The following MINAR1 variants were observed in gnomAD, a reference collection of about 807,000 sequenced individuals.
The protein encoded by MINAR1 is membrane integral NOTCH2 associated receptor 1, also known as major intrinsically disordered Notch2-binding receptor 1.
MINAR1 carries 40 observed loss-of-function variants against 65.1 expected under a neutral mutation model. The ratio of observed to expected loss-of-function variants is 0.61; its 90% CI spans 0.48 to 0.80. The LOEUF is 0.80. Among genes scored for constraint, MINAR1 ranks in the 30% least tolerant of loss-of-function variants. The pLI is 0.00. For missense variants in MINAR1, 1,128 were observed against 1,148.0 expected (o/e 0.98, Z 0.25); for synonymous variants, 482 against 449.1 (o/e 1.07, Z -0.93).
the MINAR1 span, chr15:79,414,069 G>GATAC: frequency 6.6e-6 from 1 of 152,280 alleles, no homozygotes; most frequent in African/African-American, 2.4e-5. Flanking sequence ...CTAGGCTACT[G>GATAC]ATACACCCAT....
intron 1 of MINAR1, among the ~76,000 whole-genome samples, chr15:79,447,662 G>C (rs7183878): frequency 0.24 from 37,198 of 151,958 alleles, 6,345 homozygotes; most frequent in African/African-American, 0.49. Flanking sequence ...TCTGCTTGCA[G>C]CCATGGACAT....
chr15:79,459,918 G>A lies in MINAR1; in HGVS notation c.2298+1473G>A, dbSNP rs147490427. 4.8e-3 allele frequency among the ~76,000 whole-genome samples: 738 copies of A among 152,298 alleles called. 9 individuals are homozygous for A. Among genetic ancestry groups the A allele is most frequent in the African/African-American group, 0.017 (702 of 41,552 alleles). ...TATTGTCACTATCTCTTAGCTGCCA[G>A]GGTCTGGCCAGGTTTCTGGTGCTTT... On this transcript the variant is annotated intron_variant, in intron 2 of 3. Transcript: ENST00000305428.
At chr15:79,465,203 G>C (rs1895793706) in intron 3 of MINAR1, among the ~76,000 whole-genome samples, 1 of 152,134 alleles carries the variant, frequency 6.6e-6, no homozygotes, top group African/African-American at 2.4e-5. Flanking sequence ...GCCGTGTGAG[G>C]GTGTTTACAG....
Position 79,463,201 on chromosome 15 carries a change from G to C in MINAR1, c.2433G>C (p.Leu811=). The C allele has an allele frequency of 6.2e-7, 1 of 1,614,238 alleles. No individual in the cohort carries two copies. Among genetic ancestry groups the C allele is most frequent in the Non-Finnish European group, 8.5e-7 (1 of 1,180,050 alleles). The change falls in exon 3 of 4, where the codon CTG becomes CTC. Residue 811 remains leucine (L), a synonymous_variant. Coordinates refer to ENST00000305428, the MANE Select transcript of MINAR1 (RefSeq NM_015206.3). The stretch of plus-strand genomic sequence containing the variant: ...AGGCCCACATGAAGAGCAACCCCCT[G>C]TACACAGACATGCGGCTGACCGAGT... ...SLKAHMKSNP[L]YTDMRLTELA... is the part of the protein sequence containing the mutation.
rs150333864 is a variant in MINAR1 at position 79,458,431 on chromosome 15, C to T, written c.2284C>T (p.Arg762Trp). 3.6e-5 allele frequency: 58 copies of T among 1,610,352 alleles called. No individual in the cohort carries two copies. Among genetic ancestry groups the T allele is most frequent in the Middle Eastern group, 1.7e-4 (1 of 6,046 alleles). The change falls in exon 2 of 4, where the codon CGG (arginine) becomes TGG (tryptophan). Residue 762 changes from arginine to tryptophan, a missense_variant. Physicochemically the swap from Arg to Trp is moderately radical, Grantham distance 101 (BLOSUM62 -3). Transcript: ENST00000305428. ...TGPGDNKDWH[R>W]KSKEADRQYD... ...CCCAGGAGATAATAAAGACTGGCATCGGAAATCTAAAGAGGTAATTTAAAT... is the reference window on the plus strand; with the variant it reads ...CCCAGGAGATAATAAAGACTGGCATTGGAAATCTAAAGAGGTAATTTAAAT...
intron 3 of MINAR1, 74 bp downstream of exon 3, chr15:79,463,395 C>T (rs1007730305): frequency 3.4e-5 from 53 of 1,551,904 alleles, no homozygotes; most frequent in Middle Eastern, 2.2e-4. Context: ...GGATCACGGA[C>T]GGCTTAGACC....
At position 79,452,710 on chromosome 15, in the gene MINAR1, G is replaced by C. The variant is rs866035110; in HGVS notation, c.-50-3388G>C. Reference sequence around the variant, plus strand: ...TGTGTGTGTGGGTGTCTGGATGAGTGTGTGGGTGTGGGTGAGTCTGTGTGG... The same window carrying C: ...TGTGTGTGTGGGTGTCTGGATGAGTCTGTGGGTGTGGGTGAGTCTGTGTGG... On this transcript the variant is annotated intron_variant, in intron 1 of 3. Coordinates refer to ENST00000305428, the MANE Select transcript of MINAR1 (RefSeq NM_015206.3). 5.1e-4 allele frequency among the ~76,000 whole-genome samples: 43 copies of C among 84,074 alleles called. No individual in the cohort carries two copies. In the East Asian group the frequency reaches 0.014, roughly 27 times the overall value. 55.2% of individuals were successfully genotyped at this position (84,074 alleles called of 152,430 possible). A position where few individuals can be genotyped will look rare whatever the true frequency, so the allele number is the denominator to read the frequency against.
chr15:79,472,097 T>G lies in MINAR1; in HGVS notation c.*3713T>G, dbSNP rs537425307. On this transcript the variant is annotated 3_prime_UTR_variant, in exon 4 of 4. Transcript: ENST00000305428. The stretch of plus-strand genomic sequence containing the variant: ...GTATTCTTGAAGGCAGGGACTGTCT[T>G]TTCTATGTTTGTTCTGTACAGCTCT... The G allele has an allele frequency of 3.2e-4, 49 of 152,720 alleles. No individual in the cohort carries two copies. Among genetic ancestry groups the G allele is most frequent in the Admixed American group, 6.5e-4 (10 of 15,302 alleles). The allele number at this position is 152,720 out of a possible 1,614,324, so 9.5% of individuals were successfully genotyped here. A position where few individuals can be genotyped will look rare whatever the true frequency, so the allele number is the denominator to read the frequency against.
chr15:79,458,120 G>T lies in MINAR1; in HGVS notation c.1973G>T (p.Ser658Ile). Residue 658 changes from serine to isoleucine, a missense_variant, in exon 2 of 4, where the codon AGT becomes ATT. Coordinates refer to ENST00000305428, the MANE Select transcript of MINAR1 (RefSeq NM_015206.3). Reference protein sequence around the residue: ...SLTSEGPSDDSASPRMFHAHS... With the variant: ...SLTSEGPSDDIASPRMFHAHS... Reference sequence around the variant, plus strand: ...ACAAGCGAGGGTCCGTCTGATGACAGTGCCTCTCCCCGGATGTTCCACGCA... The same window carrying T: ...ACAAGCGAGGGTCCGTCTGATGACATTGCCTCTCCCCGGATGTTCCACGCA... The T allele has an allele frequency of 6.2e-7, 1 of 1,614,180 alleles. No homozygotes were observed. Among genetic ancestry groups the T allele is most frequent in the Non-Finnish European group, 8.5e-7 (1 of 1,180,030 alleles).
In MINAR1 at chr15:79,457,371, A is replaced by G; in HGVS notation, c.1224A>G (p.Pro408=). Residue 408 remains proline, a synonymous_variant, in exon 2 of 4, where the codon CCA becomes CCG. Coordinates refer to ENST00000305428, the MANE Select transcript of MINAR1 (RefSeq NM_015206.3). ...ASSQTPNFPA[P]ERRPTYLVPK... is the part of the protein sequence containing the mutation. Reference sequence around the variant, plus strand: ...GCCAGACCCCCAATTTCCCAGCCCCAGAAAGGCGCCCAACTTACCTTGTGC... The same window carrying G: ...GCCAGACCCCCAATTTCCCAGCCCCGGAAAGGCGCCCAACTTACCTTGTGC... The G allele has an allele frequency of 6.2e-7, 1 of 1,614,184 alleles. No homozygotes were observed. Among genetic ancestry groups the G allele is most frequent in the Non-Finnish European group, 8.5e-7 (1 of 1,180,026 alleles).
chr15:79,442,322 A>C (rs1894893694), intron 1 of MINAR1, among the ~76,000 whole-genome samples: 1 of 152,114 alleles, frequency 6.6e-6, no homozygotes, highest in African/African-American at 2.4e-5. Context: ...AAAGTAACAC[A>C]TTTATGTTTA....
At chr15:79,466,657 C>T (rs763180182) in intron 3 of MINAR1, among the ~76,000 whole-genome samples, 18 of 152,210 alleles carry the variant, frequency 1.2e-4, no homozygotes, top group Non-Finnish European at 2.4e-4. Flanking sequence ...TGCTAGACAA[C>T]TATGAGCAAC....
upstream of MINAR1, among the ~76,000 whole-genome samples, chr15:79,432,246 C>T (rs949601882): frequency 6.6e-6 from 1 of 152,132 alleles, no homozygotes. Context: ...CAGAGGAGTC[C>T]GAGCGCCCCC....
the MINAR1 span, chr15:79,422,644 CAA>C: frequency 6.8e-6 from 1 of 147,264 alleles, no homozygotes; most frequent in Admixed American, 6.7e-5. Context: ...GAAAAAAAAA[CAA>C]ATGGCAAATG....
intron 1 of MINAR1, among the ~76,000 whole-genome samples, chr15:79,442,172 C>T (rs899376183): frequency 1.3e-5 from 2 of 151,506 alleles, no homozygotes; most frequent in African/African-American, 2.4e-5. Flanking sequence ...AAAACCCTTT[C>T]ACTACCTCAA....
the MINAR1 span, chr15:79,423,991 A>C: frequency 2.0e-5 from 3 of 152,232 alleles, no homozygotes; most frequent in Non-Finnish European, 4.4e-5. Context: ...AATAAAATGC[A>C]TGCCACCCTG....
At position 79,463,340 on chromosome 15, in the gene MINAR1, C is replaced by T. The variant is rs1895720754; in HGVS notation, c.2553+19C>T. On this transcript the variant is annotated intron_variant, in intron 3 of 3. Coordinates refer to ENST00000305428, the MANE Select transcript of MINAR1 (RefSeq NM_015206.3). ...CCTGCAGGTGAGCCTCTCACTGTCC[C>T]TGGGTGGGGGAAGCCCAGCTGTGCC... The T allele has an allele frequency of 6.2e-7, 1 of 1,605,840 alleles. No individual in the cohort carries two copies. Among genetic ancestry groups the T allele is most frequent in the Non-Finnish European group, 8.5e-7 (1 of 1,174,266 alleles).
At chr15:79,441,493 A>AT (rs147546606) in intron 1 of MINAR1, among the ~76,000 whole-genome samples, 3,524 of 152,204 alleles carry the variant, frequency 0.023, 138 homozygotes, top group African/African-American at 0.08. Context: ...ATTATTGCTA[A>AT]TTTTTTCTTA....
rs574545737 is a variant in MINAR1, at chr15:79,432,347, C to T, written c.-244C>T. On this transcript the variant is annotated 5_prime_UTR_variant, in exon 1 of 4. Coordinates refer to ENST00000305428, the MANE Select transcript of MINAR1 (RefSeq NM_015206.3). ...GCGCGTGTGAGCGCAGACCTGGACTCGGGCGGCGGAGGCGAAAGTCGCTCC... is the reference window on the plus strand; with the variant it reads ...GCGCGTGTGAGCGCAGACCTGGACTTGGGCGGCGGAGGCGAAAGTCGCTCC... Among the ~76,000 whole-genome samples the T allele has an allele frequency of 1.3e-5, 2 of 152,132 alleles. No homozygotes were observed. Among genetic ancestry groups the T allele is most frequent in the South Asian group, 2.1e-4 (1 of 4,834 alleles).
Sources: gnomAD v4.1 joint callset for allele counts (sites outside exome capture counted in the v4.1 genomes callset) on GRCh38, gnomAD v4.1.1 for gene constraint, MANE v1.5 for transcripts, NCBI Gene and HGNC (gene_info 2026-07-23, HGNC 2026-07-21) for gene names.